The following IFIT1B variants were observed in gnomAD, a reference collection of about 807,000 sequenced individuals.
IFIT1B encodes interferon induced protein with tetratricopeptide repeats 1B, also known as protein IFIT1 homolog B.
IFIT1B carries 3 observed loss-of-function variants against 2.5 expected under a neutral mutation model. The ratio of observed to expected loss-of-function variants is 1.21; its 90% CI spans 0.55 to 3.14. IFIT1B has a LOEUF of 3.14. Among genes scored for constraint, IFIT1B ranks in the 30% most tolerant of loss-of-function variants. The pLI is 0.03. For missense variants in IFIT1B, 545 were observed against 556.5 expected (o/e 0.98, Z 0.21); for synonymous variants, 196 against 203.0 (o/e 0.97, Z 0.29).
Position 89,384,105 on chromosome 10 carries a change from AG to A in IFIT1B, c.795del (p.Ser266LeufsTer9). The A allele has an allele frequency of 6.2e-7, 1 of 1,614,182 alleles. No individual in the cohort carries two copies. Among genetic ancestry groups the A allele is most frequent in the African/African-American group, 1.3e-5 (1 of 75,032 alleles). ...QYAAKFYRRK[G>X]SVDKALELLK... ...ATGCAGCCAAGTTTTATCGAAGAAAAGGGTCTGTGGATAAAGCTCTTGAGCT... is the reference window on the plus strand; with the variant it reads ...ATGCAGCCAAGTTTTATCGAAGAAAAGGTCTGTGGATAAAGCTCTTGAGCT... On this transcript the variant is annotated frameshift_variant, in exon 2 of 2. Coordinates refer to ENST00000371809, the MANE Select transcript of IFIT1B (RefSeq NM_001010987.2). LOFTEE classifies it low-confidence loss of function (END_TRUNC).
At position 89,384,767 on chromosome 10, in the gene IFIT1B, G is replaced by A; in HGVS notation, c.*29G>A. 1 of 1,478,590 alleles carries A rather than the reference G, an allele frequency of 6.8e-7. No individual in the cohort carries two copies. Among genetic ancestry groups the A allele is most frequent in the Non-Finnish European group, 9.2e-7 (1 of 1,085,748 alleles). The allele number at this position is 1,478,590 out of a possible 1,614,324, so 91.6% of individuals were successfully genotyped here. Reference sequence around the variant, plus strand: ...AGAGGTCACCATTATCCATTTAATGGTCTTATAACTAAATAGAATGACTAT... The same window carrying A: ...AGAGGTCACCATTATCCATTTAATGATCTTATAACTAAATAGAATGACTAT... On this transcript the variant is annotated 3_prime_UTR_variant, in exon 2 of 2. Coordinates refer to ENST00000371809, the MANE Select transcript of IFIT1B (RefSeq NM_001010987.2).
intron 1 of IFIT1B, among the ~76,000 whole-genome samples, chr10:89,379,463 AAT>A (rs1285086039): frequency 6.6e-6 from 1 of 152,160 alleles, no homozygotes; most frequent in Non-Finnish European, 1.5e-5. Flanking sequence ...TGTTCCACAA[AAT>A]ATATATTTCT....
rs1346431130 is a variant in IFIT1B, at chr10:89,383,480, AC to A, written c.169del (p.Leu57TyrfsTer2). On this transcript the variant is annotated frameshift_variant, in exon 2 of 2. Coordinates refer to ENST00000371809, the MANE Select transcript of IFIT1B (RefSeq NM_001010987.2). LOFTEE classifies it low-confidence loss of function (END_TRUNC). ...LDTKYNVGIH[N>X]LLAYVKHLKG... Reference sequence around the variant, plus strand: ...ACCAAATACAATGTGGGAATACACAACCTACTAGCCTATGTGAAACACCTGA... The same window carrying A: ...ACCAAATACAATGTGGGAATACACAACTACTAGCCTATGTGAAACACCTGA... 1 of 1,614,200 alleles carries A rather than the reference AC, an allele frequency of 6.2e-7. No homozygotes were observed. Among genetic ancestry groups the A allele is most frequent in the East Asian group, 2.2e-5 (1 of 44,888 alleles).
In IFIT1B at chr10:89,383,874, C is replaced by A. The variant is rs536366720; in HGVS notation, c.561C>A (p.Arg187=). ...FNTGYAITVY[R]LDKFNTASGR... Reference sequence around the variant, plus strand: ...CTGGGTACGCAATCACCGTCTATCGCCTGGATAAATTTAACACAGCATCAG... The same window carrying A: ...CTGGGTACGCAATCACCGTCTATCGACTGGATAAATTTAACACAGCATCAG... The change falls in exon 2 of 2, where the codon CGC becomes CGA. Residue 187 remains arginine (R), a synonymous_variant. Transcript: ENST00000371809. 4.4e-5 allele frequency: 71 copies of A among 1,614,158 alleles called. No individual in the cohort carries two copies. In the South Asian group the frequency reaches 7.6e-4, roughly 17 times the overall value.
Position 89,384,969 on chromosome 10 carries a change from C to A in IFIT1B, c.*231C>A, listed in dbSNP as rs949348946. 2 of 490,264 alleles carry A rather than the reference C, an allele frequency of 4.1e-6. No homozygotes were observed. Among genetic ancestry groups the A allele is most frequent in the Admixed American group, 3.7e-5 (1 of 27,078 alleles). 30.4% of individuals were successfully genotyped at this position (490,264 alleles called of 1,614,324 possible). A position where few individuals can be genotyped will look rare whatever the true frequency, so the allele number is the denominator to read the frequency against. On this transcript the variant is annotated 3_prime_UTR_variant, in exon 2 of 2. Coordinates refer to ENST00000371809, the MANE Select transcript of IFIT1B (RefSeq NM_001010987.2). Reference sequence around the variant, plus strand: ...CATAAGACCCCCTGAAAGTATCATCCCTCCTGATGGAATGGTAAAGCAATC... The same window carrying A: ...CATAAGACCCCCTGAAAGTATCATCACTCCTGATGGAATGGTAAAGCAATC...
Position 89,384,591 on chromosome 10 carries a change from TA to T in IFIT1B, c.1282del (p.Arg428AspfsTer22). The T allele has an allele frequency of 6.2e-7, 1 of 1,614,172 alleles. No homozygotes were observed. Among genetic ancestry groups the T allele is most frequent in the Non-Finnish European group, 8.5e-7 (1 of 1,180,002 alleles). ...KLLNALEKLAKRCIHQNVRVV... is the reference protein window; with the variant it reads ...KLLNALEKLAXRCIHQNVRVV... The stretch of plus-strand genomic sequence containing the variant: ...TTCTCAATGCTTTAGAGAAATTGGC[TA>T]AAAGATGTATTCACCAGAATGTACG... On this transcript the variant is annotated frameshift_variant, in exon 2 of 2. Transcript: ENST00000371809. LOFTEE classifies it low-confidence loss of function (END_TRUNC).
At chr10:89,379,983 C>T (rs1353204731) in intron 1 of IFIT1B, among the ~76,000 whole-genome samples, 1 of 150,344 alleles carries the variant, frequency 6.7e-6, no homozygotes, top group Non-Finnish European at 1.5e-5. Context: ...TGAAGTGAGC[C>T]GAGATTGCAC....
chr10:89,378,059 A>T lies in IFIT1B; in HGVS notation c.-77A>T. ...CCATGCTTATCTGAGAAGCCCTAGA[A>T]CTCTGTGGATGAACCTTGAAGGAGC... On this transcript the variant is annotated 5_prime_UTR_variant, in exon 1 of 2. Transcript: ENST00000371809. 1 of 1,528,838 alleles carries T rather than the reference A, an allele frequency of 6.5e-7. No homozygotes were observed. The allele number at this position is 1,528,838 out of a possible 1,614,324, so 94.7% of individuals were successfully genotyped here.
chr10:89,384,457 T>TACCACTACG lies in IFIT1B; in HGVS notation c.1145_1153dup (p.Tyr384_Gly385insAspHisTyr). 1 of 1,614,202 alleles carries TACCACTACG rather than the reference T, an allele frequency of 6.2e-7. No homozygotes were observed. Among genetic ancestry groups the TACCACTACG allele is most frequent in the African/African-American group, 1.3e-5 (1 of 75,050 alleles). On this transcript the variant is annotated inframe_insertion, in exon 2 of 2. Coordinates refer to ENST00000371809, the MANE Select transcript of IFIT1B (RefSeq NM_001010987.2). ...AGATCAGCTAAAGCAAGAGATTCAT[T>TACCACTACG]ACCACTACGGCCGTTTCCAAGAACA...
In IFIT1B at chr10:89,384,538, GA is replaced by G; in HGVS notation, c.1231del (p.Met411CysfsTer12). On this transcript the variant is annotated frameshift_variant, in exon 2 of 2. Transcript: ENST00000371809. LOFTEE classifies it low-confidence loss of function (END_TRUNC). ...ITHYLKGLKI[E>X]KMSHSREKLL... Reference sequence around the variant, plus strand: ...CCATTATTTAAAAGGTTTGAAAATAGAAAAAATGTCCCATTCCAGGGAAAAA... The same window carrying G: ...CCATTATTTAAAAGGTTTGAAAATAGAAAAATGTCCCATTCCAGGGAAAAA... The G allele has an allele frequency of 6.2e-7, 1 of 1,613,904 alleles. No individual in the cohort carries two copies. Among genetic ancestry groups the G allele is most frequent in the Non-Finnish European group, 8.5e-7 (1 of 1,179,934 alleles).
Position 89,383,872 on chromosome 10 carries a change from C to T in IFIT1B, c.559C>T (p.Arg187Cys), listed in dbSNP as rs767791005. 91 of 1,614,050 alleles carry T rather than the reference C, an allele frequency of 5.6e-5. No individual in the cohort carries two copies. Among genetic ancestry groups the T allele is most frequent in the Non-Finnish European group, 6.9e-5 (81 of 1,180,038 alleles). The change falls in exon 2 of 2, where the codon CGC becomes TGC. Residue 187 changes from arginine to cysteine, a missense_variant. Coordinates refer to ENST00000371809, the MANE Select transcript of IFIT1B (RefSeq NM_001010987.2). ...FNTGYAITVYRLDKFNTASGR... is the reference protein window; with the variant it reads ...FNTGYAITVYCLDKFNTASGR... ...TACTGGGTACGCAATCACCGTCTAT[C>T]GCCTGGATAAATTTAACACAGCATC... is the stretch of plus-strand genomic sequence containing the variant.
intron 1 of IFIT1B, 50 bp downstream of exon 1, chr10:89,378,190 T>A (rs774008355): frequency 1.2e-6 from 2 of 1,607,780 alleles, no homozygotes; most frequent in South Asian, 1.1e-5. Flanking sequence ...ACTTTGAAAT[T>A]CTAAAACTTT....
rs1022734766 is a variant in IFIT1B, at chr10:89,383,491, T to C, written c.178T>C (p.Tyr60His). ...TGTGGGAATACACAACCTACTAGCC[T>C]ATGTGAAACACCTGAAAGGCCAGAA... ...YNVGIHNLLA[Y>H]VKHLKGQNEE... Residue 60 changes from tyrosine (Y) to histidine (H), a missense_variant, in exon 2 of 2, where the codon TAT becomes CAT. Transcript: ENST00000371809. 6.2e-7 allele frequency: 1 copy of C among 1,614,208 alleles called. No individual in the cohort carries two copies. The highest frequency in any genetic ancestry group is 8.5e-7 in the Non-Finnish European group (1 of 1,180,040).
rs767799915 is a variant in IFIT1B at position 89,384,506 on chromosome 10, C to T, written c.1193C>T (p.Ala398Val). ...QEHHGKSQDK[A>V]ITHYLKGLKI... ...CATCATGGGAAATCTCAAGATAAAGCAATTACCCATTATTTAAAAGGTTTG... is the reference window on the plus strand; with the variant it reads ...CATCATGGGAAATCTCAAGATAAAGTAATTACCCATTATTTAAAAGGTTTG... The change falls in exon 2 of 2, where the codon GCA becomes GTA. Residue 398 changes from alanine to valine, a missense_variant. Transcript: ENST00000371809. 1 of 1,613,820 alleles carries T rather than the reference C, an allele frequency of 6.2e-7. No homozygotes were observed. The highest frequency in any genetic ancestry group is 1.3e-5 in the African/African-American group (1 of 74,994).
intron 1 of IFIT1B, among the ~76,000 whole-genome samples, chr10:89,381,742 G>T (rs1274637796): frequency 2.6e-5 from 4 of 152,004 alleles, no homozygotes; most frequent in African/African-American, 9.7e-5. Context: ...TCATTATCTT[G>T]TGAATCCTTT....
At chr10:89,380,780 T>C (rs933606837) in intron 1 of IFIT1B, among the ~76,000 whole-genome samples, 4 of 152,220 alleles carry the variant, frequency 2.6e-5, no homozygotes, top group African/African-American at 4.8e-5. Context: ...ACTTTCTGTA[T>C]GCTCACCAGA....
chr10:89,379,454 G>C (rs1369273177), intron 1 of IFIT1B, among the ~76,000 whole-genome samples: 2 of 152,066 alleles, frequency 1.3e-5, no homozygotes, highest in Non-Finnish European at 2.9e-5. Context: ...TGATATGTTT[G>C]TTCCACAAAA....
rs1218879647 is a variant in IFIT1B at position 89,379,090 on chromosome 10, G to C, written c.5+950G>C. Among the ~76,000 whole-genome samples, 5 of 152,324 alleles carry C rather than the reference G, an allele frequency of 3.3e-5. No individual in the cohort carries two copies. In the East Asian group the frequency reaches 9.6e-4, roughly 29 times the overall value. ...TGATAAATTGGTTAAATTCACGTGG[G>C]AAAAAGAAGCTACTTTCAGAGATGG... On this transcript the variant is annotated intron_variant, in intron 1 of 1. Coordinates refer to ENST00000371809, the MANE Select transcript of IFIT1B (RefSeq NM_001010987.2).
chr10:89,384,416 G>A lies in IFIT1B; in HGVS notation c.1103G>A (p.Arg368His), dbSNP rs149656549. 1.8e-4 allele frequency: 286 copies of A among 1,614,006 alleles called. No individual in the cohort carries two copies. The highest frequency in any genetic ancestry group is 3.3e-4 in the Middle Eastern group (2 of 6,084). ...GAGGAACATTTTCAGAAAGGGTTAC[G>A]CATGAAGATCTTTGAAGATCAGCTA... ...KAEEHFQKGL[R>H]MKIFEDQLKQ... The change falls in exon 2 of 2, where the codon CGC becomes CAC. Residue 368 changes from arginine (R) to histidine (H), a missense_variant. By Grantham distance (29) the Arg-to-His change is conservative. Coordinates refer to ENST00000371809, the MANE Select transcript of IFIT1B (RefSeq NM_001010987.2).
Sources: allele counts gnomAD v4.1 joint callset (sites outside exome capture counted in the v4.1 genomes callset), GRCh38; gene constraint gnomAD v4.1.1; transcripts MANE v1.5; gene names NCBI Gene and HGNC (gene_info 2026-07-23, HGNC 2026-07-21).